The following PDE8B variants were observed in gnomAD, a reference collection of about 807,000 sequenced individuals.
PDE8B encodes high affinity cAMP-specific and IBMX-insensitive 3',5'-cyclic phosphodiesterase 8B.
In PDE8B, 26 loss-of-function variants were observed where a neutral mutation model predicts 101.3. The observed-to-expected ratio is 0.26, with a 90% CI of 0.19 to 0.36. The LOEUF (loss-of-function observed/expected upper bound fraction) is 0.36, where lower values mean the gene tolerates loss of function less well. Among genes scored for constraint, PDE8B ranks in the 10% least tolerant of loss-of-function variants. PDE8B has a pLI of 1.00. For missense variants in PDE8B, 810 were observed against 1,163.1 expected (o/e 0.70, Z 4.42); for synonymous variants, 424 against 429.3 (o/e 0.99, Z 0.15).
intron 17 of PDE8B, among the ~76,000 whole-genome samples, chr5:77,416,487 C>T (rs1460258437): frequency 6.6e-6 from 1 of 152,170 alleles, no homozygotes; most frequent in Admixed American, 6.5e-5. Context: ...CTCTCCTGAC[C>T]AGCAGTGAAA....
At chr5:77,294,391 C>T (rs1413990116) in intron 1 of PDE8B, among the ~76,000 whole-genome samples, 1 of 152,168 alleles carries the variant, frequency 6.6e-6, no homozygotes, top group African/African-American at 2.4e-5. Flanking sequence ...GGAGGGCTTG[C>T]TGTTGATGTG....
intron 10 of PDE8B, among the ~76,000 whole-genome samples, chr5:77,358,094 A>C (rs1782436613): frequency 6.6e-6 from 1 of 151,928 alleles, no homozygotes; most frequent in Non-Finnish European, 1.5e-5. Context: ...CCTTCTCATG[A>C]TTTGGGGCCT....
At chr5:77,167,448 G>C in the PDE8B span, among the ~76,000 whole-genome samples, 1 of 152,126 alleles carries the variant, frequency 6.6e-6, no homozygotes, top group South Asian at 2.1e-4. Context: ...TTTACCACAG[G>C]GTTTGTTTAA....
At chr5:77,316,754 C>T (rs1382632684) in intron 2 of PDE8B, among the ~76,000 whole-genome samples, 1 of 152,086 alleles carries the variant, frequency 6.6e-6, no homozygotes, top group Non-Finnish European at 1.5e-5. Flanking sequence ...TGCTCATAAC[C>T]TATGAAACAT....
intron 17 of PDE8B, 59 bp from the exon 18 acceptor site, chr5:77,418,170 T>A (rs988218024): frequency 1.4e-5 from 15 of 1,088,266 alleles, no homozygotes; most frequent in African/African-American, 3.1e-5. Context: ...CAGACAAGGA[T>A]GGATGTGGGT....
intron 1 of PDE8B, among the ~76,000 whole-genome samples, chr5:77,217,936 A>G (rs1750166779): frequency 1.3e-5 from 2 of 152,174 alleles, no homozygotes; most frequent in Admixed American, 6.5e-5. Flanking sequence ...AGCAGATAAT[A>G]GTCAACTCTT....
intron 1 of PDE8B, among the ~76,000 whole-genome samples, chr5:77,284,511 G>A (rs1765610570): frequency 6.6e-6 from 1 of 152,088 alleles, no homozygotes; most frequent in African/African-American, 2.4e-5. Flanking sequence ...AGAATAATAT[G>A]CAAACAAAAG....
At chr5:77,368,299 C>T (rs1784490375) in intron 10 of PDE8B, among the ~76,000 whole-genome samples, 1 of 152,198 alleles carries the variant, frequency 6.6e-6, no homozygotes, top group Non-Finnish European at 1.5e-5. Flanking sequence ...TAAAAACTTA[C>T]ACTGACTCCC....
chr5:77,337,924 C>T (rs1778496072), intron 6 of PDE8B, among the ~76,000 whole-genome samples: 1 of 152,180 alleles, frequency 6.6e-6, no homozygotes, highest in African/African-American at 2.4e-5. Context: ...ATGTTCTGCT[C>T]CTGGGCCCTC....
At chr5:77,178,829 T>G in the PDE8B span, among the ~76,000 whole-genome samples, 1 of 152,196 alleles carries the variant, frequency 6.6e-6, no homozygotes, top group Non-Finnish European at 1.5e-5. Flanking sequence ...AGAATTTACC[T>G]CCTTTCAGTT....
At chr5:77,280,977 C>T (rs1378563484) in intron 1 of PDE8B, among the ~76,000 whole-genome samples, 1 of 152,214 alleles carries the variant, frequency 6.6e-6, no homozygotes, top group East Asian at 1.9e-4. Flanking sequence ...CAGAGCCTAC[C>T]CTGACTGAGG....
rs116757410 is a variant in PDE8B, at chr5:77,412,506, A to G, written c.1712+271A>G. 4.5e-3 allele frequency among the ~76,000 whole-genome samples: 690 copies of G among 152,018 alleles called. 3 individuals are homozygous for G. Among genetic ancestry groups the G allele is most frequent in the African/African-American group, 0.016 (665 of 41,462 alleles). On this transcript the variant is annotated intron_variant, in intron 16 of 21. Coordinates refer to ENST00000264917, the MANE Select transcript of PDE8B (RefSeq NM_003719.5). ...GAGCCAAGAGTTCTAAGAATCCTCA[A>G]ACTTGTCGAAGCTCTACCCTACAGA...
chr5:77,118,426 G>A, the PDE8B span: 1 of 398,618 alleles, frequency 2.5e-6, no homozygotes, highest in African/African-American at 2.1e-5. Flanking sequence ...CTGGATGCTG[G>A]AGAGTCATGA....
intron 19 of PDE8B, among the ~76,000 whole-genome samples, chr5:77,420,460 ATC>A (rs1195296457): frequency 1.3e-5 from 2 of 152,026 alleles, no homozygotes; most frequent in African/African-American, 4.8e-5. Context: ...ACCTAATAAG[ATC>A]CACTGTTCTC....
chr5:77,245,028 G>A (rs1357135760), intron 1 of PDE8B, among the ~76,000 whole-genome samples: 2 of 152,108 alleles, frequency 1.3e-5, no homozygotes, highest in Non-Finnish European at 2.9e-5. Flanking sequence ...ATAGGCAAGG[G>A]GAAAATACTG....
chr5:77,395,069 T>C (rs1790707506), intron 10 of PDE8B, among the ~76,000 whole-genome samples: 1 of 152,184 alleles, frequency 6.6e-6, no homozygotes, highest in Admixed American at 6.5e-5. Context: ...ATCCAGCTTT[T>C]GGTAGTGTTG....
rs1795980952 is a variant in PDE8B at position 77,418,326 on chromosome 5, C to T, written c.2009C>T (p.Ala670Val). The change falls in exon 18 of 22, where the codon GCA (alanine) becomes GTA (valine). Residue 670 changes from alanine (A) to valine (V), a missense_variant. Ala to Val is a moderately conservative substitution (Grantham distance 64). Transcript: ENST00000264917. ...AGGACCAACTCTTTCCTCTGCAATG[C>T]AGGCAGTGAGCTTGCTGTGCTCTAC... Reference protein sequence around the residue: ...PGRTNSFLCNAGSELAVLYND... With the variant: ...PGRTNSFLCNVGSELAVLYND... 6.2e-7 allele frequency: 1 copy of T among 1,613,730 alleles called. No individual in the cohort carries two copies. Among genetic ancestry groups the T allele is most frequent in the Non-Finnish European group, 8.5e-7 (1 of 1,179,594 alleles).
intron 10 of PDE8B, among the ~76,000 whole-genome samples, chr5:77,380,725 T>A (rs1158745174): frequency 6.6e-6 from 1 of 152,220 alleles, no homozygotes; most frequent in East Asian, 1.9e-4. Context: ...AACCCCTGCC[T>A]ACACAGAACT....
chr5:77,299,277 T>C (rs550090038), intron 1 of PDE8B, among the ~76,000 whole-genome samples: 164 of 107,056 alleles, frequency 1.5e-3, no homozygotes, highest in African/African-American at 5.2e-3. Context: ...TTTTATTTTA[T>C]TATTATTATT....
Sources: allele counts gnomAD v4.1 joint callset (sites outside exome capture counted in the v4.1 genomes callset), GRCh38; gene constraint gnomAD v4.1.1; transcripts MANE v1.5; gene names NCBI Gene and HGNC (gene_info 2026-07-23, HGNC 2026-07-21).